The following USH2A variants were observed in gnomAD, a reference collection of about 807,000 sequenced individuals.
USH2A encodes Usher syndrome 2A (autosomal recessive, mild).
Under a neutral mutation model 538.9 loss-of-function variants are expected in USH2A, and 443 were observed. The observed-to-expected ratio is 0.82, with a 90% CI of 0.76 to 0.89. USH2A has a LOEUF of 0.89. Ranked by LOEUF, USH2A falls within the 40% of genes least tolerant of loss-of-function variation. The pLI is 0.00. For missense variants in USH2A, 6,633 were observed against 6,324.8 expected (o/e 1.05, Z -1.65); for synonymous variants, 2,413 against 2,273.5 (o/e 1.06, Z -1.75).
intron 20 of USH2A, among the ~76,000 whole-genome samples, chr1:216,176,025 G>A (rs2034375340): frequency 6.6e-6 from 1 of 152,112 alleles, no homozygotes; most frequent in African/African-American, 2.4e-5. Context: ...CATCAACTCC[G>A]TGCTGTAATT....
chr1:216,070,871 TA>T (rs1213268330), intron 29 of USH2A, among the ~76,000 whole-genome samples: 4 of 141,598 alleles, frequency 2.8e-5, no homozygotes, highest in Non-Finnish European at 6.2e-5. Context: ...GGGGGTGGGG[TA>T]AAGGAGCTGG....
At chr1:216,401,107 G>A (rs1470177957) in intron 3 of USH2A, among the ~76,000 whole-genome samples, 2 of 152,064 alleles carry the variant, frequency 1.3e-5, no homozygotes, top group African/African-American at 2.4e-5. Context: ...TCAGTGTAAT[G>A]TGATGCTCAC....
chr1:216,118,355 A>G, intron 21 of USH2A, among the ~76,000 whole-genome samples: 1 of 152,156 alleles, frequency 6.6e-6, no homozygotes, highest in East Asian at 1.9e-4. Flanking sequence ...TTCTAACTAG[A>G]GACACCTTGA....
intron 56 of USH2A, among the ~76,000 whole-genome samples, chr1:215,761,635 G>C (rs1425378921): frequency 6.6e-6 from 1 of 152,102 alleles, no homozygotes; most frequent in Non-Finnish European, 1.5e-5. Context: ...GCAGTTCTAG[G>C]GAATGCAAAG....
At chr1:215,759,380 T>A (rs546030013) in intron 57 of USH2A, among the ~76,000 whole-genome samples, 1 of 152,162 alleles carries the variant, frequency 6.6e-6, no homozygotes, top group Non-Finnish European at 1.5e-5. Flanking sequence ...TTTTTGAAGA[T>A]AATTTGGTAA....
At position 216,325,387 on chromosome 1, in the gene USH2A, C is replaced by CA; in HGVS notation, c.1060dup (p.Trp354LeufsTer13). ...AATGTTTGTAAACACATTTGAAACC[C>CA]ATGAAGTACCAACATCATTATCATT... On this transcript the variant is annotated frameshift_variant, in exon 6 of 72. Coordinates refer to ENST00000307340, the MANE Select transcript of USH2A (RefSeq NM_206933.4). LOFTEE classifies it high-confidence loss of function. 6.2e-7 allele frequency: 1 copy of CA among 1,613,878 alleles called. No homozygotes were observed. Among genetic ancestry groups the CA allele is most frequent in the Non-Finnish European group, 8.5e-7 (1 of 1,179,894 alleles).
intron 49 of USH2A, among the ~76,000 whole-genome samples, chr1:215,801,240 C>T (rs571439207): frequency 6.6e-6 from 1 of 151,966 alleles, no homozygotes; most frequent in East Asian, 1.9e-4. Context: ...AAAAGGTTGC[C>T]ACCCTTTGCC....
In USH2A at chr1:215,970,741, T is replaced by C; in HGVS notation, c.6841A>G (p.Ile2281Val). The change falls in exon 36 of 72, where the codon ATA becomes GTA. Residue 2281 changes from isoleucine to valine, a missense_variant. Physicochemically the swap from Ile to Val is conservative, Grantham distance 29 (BLOSUM62 3). Coordinates refer to ENST00000307340, the MANE Select transcript of USH2A (RefSeq NM_206933.4). ...AGTTCTGAGGAATTGTGGATTAATATACCATCTAGATATAATCCATAACTC... is the reference window on the plus strand; with the variant it reads ...AGTTCTGAGGAATTGTGGATTAATACACCATCTAGATATAATCCATAACTC... Reference protein sequence around the residue: ...ITSYGLYLDGILIHNSSELSY... With the variant: ...ITSYGLYLDGVLIHNSSELSY... The C allele has an allele frequency of 6.2e-7, 1 of 1,613,602 alleles. No homozygotes were observed. The highest frequency in any genetic ancestry group is 8.5e-7 in the Non-Finnish European group (1 of 1,179,636).
In USH2A at chr1:215,671,353, T is replaced by A; in HGVS notation, c.13812-60A>T. On this transcript the variant is annotated intron_variant, in intron 63 of 71. Coordinates refer to ENST00000307340, the MANE Select transcript of USH2A (RefSeq NM_206933.4). Reference sequence around the variant, plus strand: ...GCAAAATAGATTTTCATGGGAAGAATCTTTAAAACACCAGGCCTTAAAAAA... The same window carrying A: ...GCAAAATAGATTTTCATGGGAAGAAACTTTAAAACACCAGGCCTTAAAAAA... The A allele has an allele frequency of 1.9e-6, 3 of 1,540,716 alleles. No individual in the cohort carries two copies. The South Asian group carries it at 3.4e-5, about 17-fold the overall frequency.
intron 41 of USH2A, among the ~76,000 whole-genome samples, chr1:215,882,711 GA>G (rs911719196): frequency 4.6e-5 from 7 of 151,996 alleles, no homozygotes; most frequent in East Asian, 1.9e-4. Flanking sequence ...ACTTTTCACA[GA>G]AAAAAAGTTC....
intron 32 of USH2A, among the ~76,000 whole-genome samples, chr1:216,037,841 A>G (rs2030066513): frequency 6.7e-6 from 1 of 149,370 alleles, no homozygotes; most frequent in Non-Finnish European, 1.5e-5. Context: ...CCCTCCTGCT[A>G]CCCTCCACCT....
intron 37 of USH2A, among the ~76,000 whole-genome samples, chr1:215,945,340 A>G (rs1320187947): frequency 6.6e-6 from 1 of 152,172 alleles, no homozygotes; most frequent in Non-Finnish European, 1.5e-5. Context: ...GGATACCTTC[A>G]AAGGCATTTT....
intron 19 of USH2A, among the ~76,000 whole-genome samples, chr1:216,196,352 G>T (rs2034842786): frequency 1.3e-5 from 2 of 151,978 alleles, no homozygotes; most frequent in South Asian, 4.1e-4. Context: ...TACCAACTTA[G>T]TTTCAATATA....
At chr1:216,096,870 T>C (rs925331281) in intron 22 of USH2A, among the ~76,000 whole-genome samples, 5 of 152,202 alleles carry the variant, frequency 3.3e-5, no homozygotes, top group Admixed American at 6.5e-5. Flanking sequence ...AGTCAGACCA[T>C]GATGGTTTAA....
At chr1:216,173,520 A>G (rs1183082025) in intron 21 of USH2A, among the ~76,000 whole-genome samples, 2 of 152,092 alleles carry the variant, frequency 1.3e-5, no homozygotes, top group Non-Finnish European at 2.9e-5. Flanking sequence ...GTGCAGCTGG[A>G]GGCTTTGTTA....
intron 61 of USH2A, among the ~76,000 whole-genome samples, chr1:215,704,466 T>A (rs1434139697): frequency 6.6e-6 from 1 of 152,106 alleles, no homozygotes; most frequent in Non-Finnish European, 1.5e-5. Context: ...ATTGACAGAG[T>A]CAAGTGCAAG....
intron 17 of USH2A, 96 bp downstream of exon 17, chr1:216,199,531 A>G: frequency 6.4e-7 from 1 of 1,558,140 alleles, no homozygotes; most frequent in East Asian, 2.2e-5. Context: ...GCAGTTATAA[A>G]AAGGAATACA....
intron 21 of USH2A, among the ~76,000 whole-genome samples, chr1:216,140,477 T>C (rs1300132752): frequency 1.3e-5 from 2 of 152,180 alleles, no homozygotes; most frequent in Admixed American, 1.3e-4. Flanking sequence ...AAAAAGAGAA[T>C]GAAACTTTTA....
rs77868400 is a variant in USH2A at position 216,153,835 on chromosome 1, T to A, written c.4627+21417A>T. Among the ~76,000 whole-genome samples, 456 of 152,318 alleles carry A rather than the reference T, an allele frequency of 3.0e-3. 1 individual carries two copies. The highest frequency in any genetic ancestry group is 0.011 in the African/African-American group (439 of 41,576). On this transcript the variant is annotated intron_variant, in intron 21 of 71. Transcript: ENST00000307340. The stretch of plus-strand genomic sequence containing the variant: ...TGAAGTAAACAAGGAGAGAACAGCA[T>A]CAGATGTAGGCTGCTGCTTGCTGCC...
Sources: gnomAD v4.1 joint callset for allele counts (sites outside exome capture counted in the v4.1 genomes callset) on GRCh38, gnomAD v4.1.1 for gene constraint, MANE v1.5 for transcripts, NCBI Gene and HGNC (gene_info 2026-07-23, HGNC 2026-07-21) for gene names.